Variants in CD44 observed in about 807,000 individuals in gnomAD.
CD44 encodes CD44 antigen.
A neutral mutation model predicts 88.8 loss-of-function variants in CD44; 49 were observed. The ratio of observed to expected loss-of-function variants is 0.55; its 90% CI spans 0.44 to 0.70. The LOEUF (loss-of-function observed/expected upper bound fraction) is 0.70. CD44 is among the 30% of genes least tolerant of loss of function. The pLI is 0.00. For synonymous variants in CD44, 325 were observed against 312.3 expected (o/e 1.04, Z -0.43); for missense variants, 883 against 913.8 (o/e 0.97, Z 0.43).
intron 1 of CD44, among the ~76,000 whole-genome samples, chr11:35,175,477 T>C (rs1054171534): frequency 1.3e-5 from 2 of 152,214 alleles, no homozygotes; most frequent in Non-Finnish European, 2.9e-5. Context: ...TGTATGTGTA[T>C]ATAGATACAT....
Position 35,204,646 on chromosome 11 carries a change from G to C in CD44, c.1282+6G>C. The C allele has an allele frequency of 6.2e-6, 10 of 1,612,326 alleles. No individual in the cohort carries two copies. The highest frequency in any genetic ancestry group is 1.1e-5 in the South Asian group (1 of 90,974). ...TTCGACAACAGGGACAGCTGGTAAT[G>C]GATGGTTTAACAAGTAAATTTGGAT... On this transcript the variant is annotated splice_donor_region_variant and intron_variant, in intron 10 of 17. Transcript: ENST00000428726.
At chr11:35,181,905 T>TATTCTATATTATATATTATATATA (rs1291148360) in intron 3 of CD44, among the ~76,000 whole-genome samples, 2 of 66,084 alleles carry the variant, frequency 3.0e-5, no homozygotes, top group South Asian at 3.8e-4. Context: ...ATATAATATA[T>TATTCTATATTATATATTATATATA]AATATATATT....
At chr11:35,143,975 C>T (rs1858541600) in intron 1 of CD44, among the ~76,000 whole-genome samples, 1 of 152,366 alleles carries the variant, frequency 6.6e-6, no homozygotes, top group Non-Finnish European at 1.5e-5. Context: ...ATTTCACATG[C>T]ACAGACCCAG....
intron 6 of CD44, chr11:35,197,242 T>C: frequency 6.1e-6 from 1 of 163,048 alleles, no homozygotes; most frequent in Non-Finnish European, 1.3e-5. Context: ...CATAGCTAGA[T>C]ATGAAAAAAT....
At chr11:35,182,306 T>C (rs888161739) in intron 3 of CD44, among the ~76,000 whole-genome samples, 1 of 151,942 alleles carries the variant, frequency 6.6e-6, no homozygotes, top group African/African-American at 2.4e-5. Context: ...GAGTGGAAAT[T>C]CAGAGAAGAA....
chr11:35,180,959 CT>C (rs1216992297), intron 3 of CD44, among the ~76,000 whole-genome samples: 1 of 152,154 alleles, frequency 6.6e-6, no homozygotes, highest in Non-Finnish European at 1.5e-5. Context: ...GGGAAAGTGC[CT>C]CCTGGACTGT....
At chr11:35,195,388 C>T (rs11033021) in intron 5 of CD44, among the ~76,000 whole-genome samples, 54,066 of 151,628 alleles carry the variant, frequency 0.36, 11,143 homozygotes, top group East Asian at 0.7. Context: ...GTTATGGTTG[C>T]CATATCACAA....
intron 1 of CD44, among the ~76,000 whole-genome samples, chr11:35,157,337 A>G (rs553735460): frequency 0.011 from 1,702 of 151,454 alleles, 18 homozygotes; most frequent in African/African-American, 0.028. Context: ...CTATCTATCT[A>G]TCTATCTATC....
intron 1 of CD44, among the ~76,000 whole-genome samples, chr11:35,156,973 A>C (rs1419936363): frequency 2.0e-5 from 3 of 152,126 alleles, no homozygotes; most frequent in Non-Finnish European, 4.4e-5. Flanking sequence ...GTTTGAGGTT[A>C]CACTGAGCTA....
chr11:35,226,861 T>TTTTCTTC (rs1949720538), intron 17 of CD44, among the ~76,000 whole-genome samples: 1 of 149,224 alleles, frequency 6.7e-6, no homozygotes, highest in South Asian at 2.1e-4. Context: ...TCCGAGCCCC[T>TTTTCTTC]TTTCTTCTTT....
At chr11:35,225,184 C>T (rs1353116108) in intron 17 of CD44, among the ~76,000 whole-genome samples, 2 of 125,134 alleles carry the variant, frequency 1.6e-5, no homozygotes, top group Non-Finnish European at 3.7e-5. Flanking sequence ...TTCAAATAGC[C>T]AAATGTGGCT....
chr11:35,143,278 G>A (rs1182844143), intron 1 of CD44, among the ~76,000 whole-genome samples: 2 of 151,650 alleles, frequency 1.3e-5, no homozygotes, highest in Admixed American at 6.6e-5. Flanking sequence ...TTAAAAACCT[G>A]ATGCTCTGCT....
At chr11:35,156,580 C>T (rs1941897486) in intron 1 of CD44, among the ~76,000 whole-genome samples, 1 of 152,162 alleles carries the variant, frequency 6.6e-6, no homozygotes, top group Non-Finnish European at 1.5e-5. Flanking sequence ...CCGGCTGGTT[C>T]CTAATCCATC....
intron 1 of CD44, among the ~76,000 whole-genome samples, chr11:35,144,965 A>G (rs1318247237): frequency 3.3e-5 from 5 of 152,180 alleles, no homozygotes; most frequent in African/African-American, 7.2e-5. Flanking sequence ...CCATTGCTCA[A>G]TTGCCCCACT....
chr11:35,157,544 A>C (rs1167487035), intron 1 of CD44, among the ~76,000 whole-genome samples: 1 of 151,980 alleles, frequency 6.6e-6, no homozygotes, highest in Non-Finnish European at 1.5e-5. Context: ...TATATCTATC[A>C]TCTTTTAACC....
chr11:35,173,416 C>A (rs1425707592), intron 1 of CD44, among the ~76,000 whole-genome samples: 1 of 152,194 alleles, frequency 6.6e-6, no homozygotes, highest in African/African-American at 2.4e-5. Flanking sequence ...GCAAAAGGGC[C>A]TTATGCATTT....
chr11:35,147,925 C>T (rs773200884), intron 1 of CD44, among the ~76,000 whole-genome samples: 3 of 152,006 alleles, frequency 2.0e-5, no homozygotes, highest in African/African-American at 4.8e-5. Flanking sequence ...CCCGTCTCTA[C>T]TAAAAATACA....
chr11:35,229,337 C>T lies in CD44; in HGVS notation c.*4C>T, dbSNP rs370529337. The T allele has an allele frequency of 9.5e-5, 151 of 1,581,664 alleles. No individual in the cohort carries two copies. Among genetic ancestry groups the T allele is most frequent in the Non-Finnish European group, 1.0e-4 (117 of 1,151,388 alleles). Reference sequence around the variant, plus strand: ...GGACATGAAGATTGGGGTGTAACACCTACACCATTATCTTGGAAAGAAACA... The same window carrying T: ...GGACATGAAGATTGGGGTGTAACACTTACACCATTATCTTGGAAAGAAACA... On this transcript the variant is annotated 3_prime_UTR_variant, in exon 18 of 18. Coordinates refer to ENST00000428726, the MANE Select transcript of CD44 (RefSeq NM_000610.4).
intron 3 of CD44, among the ~76,000 whole-genome samples, chr11:35,186,195 A>T (rs1945661865): frequency 1.3e-5 from 2 of 152,242 alleles, no homozygotes; most frequent in African/African-American, 4.8e-5. Context: ...CACCTAAAAG[A>T]TCAGCTAAAT....
Sources: allele counts gnomAD v4.1 joint callset (sites outside exome capture counted in the v4.1 genomes callset), GRCh38; gene constraint gnomAD v4.1.1; transcripts MANE v1.5; gene names NCBI Gene and HGNC (gene_info 2026-07-23, HGNC 2026-07-21).